Variants in RPS6KC1 observed in about 807,000 individuals in gnomAD.
The protein encoded by RPS6KC1 is ribosomal protein S6 kinase C1, also known as inactive ribosomal protein S6 kinase delta-1.
In RPS6KC1, 54 loss-of-function variants were observed where a neutral mutation model predicts 103.8. The ratio of observed to expected loss-of-function variants is 0.52; its 90% CI spans 0.42 to 0.65. The LOEUF (loss-of-function observed/expected upper bound fraction) is 0.65. Among genes scored for constraint, RPS6KC1 ranks in the 30% least tolerant of loss-of-function variants. RPS6KC1 has a pLI of 0.00. For synonymous variants in RPS6KC1, 439 were observed against 438.7 expected (o/e 1.00, Z -0.01); for missense variants, 1,151 against 1,253.8 (o/e 0.92, Z 1.24).
chr1:213,849,707 A>C, the RPS6KC1 span, among the ~76,000 whole-genome samples: 1 of 152,186 alleles, frequency 6.6e-6, no homozygotes, highest in Non-Finnish European at 1.5e-5. Flanking sequence ...GATTCTCAAG[A>C]TCTATAATAC....
chr1:213,704,279 C>T, the RPS6KC1 span, among the ~76,000 whole-genome samples: 8 of 143,252 alleles, frequency 5.6e-5, no homozygotes, highest in South Asian at 7.0e-4. Context: ...CCCAGCTACT[C>T]GGGAGGCTGA....
the RPS6KC1 span, among the ~76,000 whole-genome samples, chr1:213,416,241 CCT>C: frequency 1.3e-5 from 2 of 152,216 alleles, no homozygotes; most frequent in Admixed American, 6.5e-5. Context: ...AACCCACAGG[CCT>C]CTGTTTCAGA....
the RPS6KC1 span, among the ~76,000 whole-genome samples, chr1:213,412,165 C>T: frequency 6.6e-6 from 1 of 152,174 alleles, no homozygotes; most frequent in African/African-American, 2.4e-5. Context: ...CCACTAAGTT[C>T]CCGTTTTATG....
chr1:213,799,416 A>T, the RPS6KC1 span, among the ~76,000 whole-genome samples: 1 of 152,148 alleles, frequency 6.6e-6, no homozygotes. Context: ...GGGCCTAGAG[A>T]TCATCCCGAC....
chr1:213,856,916 A>G, the RPS6KC1 span, among the ~76,000 whole-genome samples: 5 of 152,238 alleles, frequency 3.3e-5, no homozygotes, highest in East Asian at 9.6e-4. Context: ...AAAAATAGTA[A>G]TAACAACATA....
At chr1:213,057,609 A>ATT in intron 1 of RPS6KC1, among the ~76,000 whole-genome samples, 1 of 151,040 alleles carries the variant, frequency 6.6e-6, no homozygotes, top group South Asian at 2.1e-4. Flanking sequence ...TAATTTGCCT[A>ATT]TTTTTTTCTT....
intron 8 of RPS6KC1, among the ~76,000 whole-genome samples, chr1:213,199,341 T>C (rs551010565): frequency 1.3e-5 from 2 of 152,260 alleles, no homozygotes; most frequent in African/African-American, 4.8e-5. Context: ...GTTCAACATA[T>C]GCAAATGAAT....
At chr1:213,854,548 CT>C in the RPS6KC1 span, among the ~76,000 whole-genome samples, 1 of 107,974 alleles carries the variant, frequency 9.3e-6, no homozygotes, top group Non-Finnish European at 1.9e-5. Flanking sequence ...TTCTTTCTTT[CT>C]TTCTTTCTTT....
the RPS6KC1 span, among the ~76,000 whole-genome samples, chr1:213,478,169 T>C: frequency 6.6e-6 from 1 of 152,204 alleles, no homozygotes; most frequent in African/African-American, 2.4e-5. Context: ...ATTTGTTTCC[T>C]CCATGTCTTT....
At chr1:213,786,493 G>A in the RPS6KC1 span, among the ~76,000 whole-genome samples, 14 of 152,208 alleles carry the variant, frequency 9.2e-5, no homozygotes, top group South Asian at 2.7e-3. Flanking sequence ...GCATCATCTC[G>A]TGTGTAGCCA....
rs142188661 is a variant in RPS6KC1, at chr1:213,241,585, A to G, written c.2109A>G (p.Arg703=). 46 of 1,614,000 alleles carry G rather than the reference A, an allele frequency of 2.9e-5. No homozygotes were observed. The African/African-American group carries it at 4.8e-4, about 17-fold the overall frequency. Reference sequence around the variant, plus strand: ...TACCTGGTGAATTGGAGTCAACAAGAGAAGCTGCAGCAATGGGACCTACTA... The same window carrying G: ...TACCTGGTGAATTGGAGTCAACAAGGGAAGCTGCAGCAATGGGACCTACTA... The part of the protein sequence containing the change: ...VNLPGELEST[R]EAAAMGPTKF... The change falls in exon 11 of 15, where the codon AGA becomes AGG. Residue 703 remains arginine, a synonymous_variant. Transcript: ENST00000366960.
chr1:213,335,758 A>G, the RPS6KC1 span, among the ~76,000 whole-genome samples: 1 of 152,228 alleles, frequency 6.6e-6, no homozygotes, highest in South Asian at 2.1e-4. Flanking sequence ...GAGCTGATGT[A>G]AGGAGAGAGC....
the RPS6KC1 span, among the ~76,000 whole-genome samples, chr1:213,489,151 T>C: frequency 1.3e-5 from 2 of 152,232 alleles, no homozygotes; most frequent in South Asian, 2.1e-4. Flanking sequence ...AATAATGCAG[T>C]GGGAAATAAG....
At chr1:213,309,820 G>C in the RPS6KC1 span, among the ~76,000 whole-genome samples, 1 of 152,094 alleles carries the variant, frequency 6.6e-6, no homozygotes, top group East Asian at 1.9e-4. Flanking sequence ...AAGTAGCTGG[G>C]ATTACAGGTG....
chr1:213,268,134 T>G (rs2094954252), intron 14 of RPS6KC1, among the ~76,000 whole-genome samples: 2 of 151,980 alleles, frequency 1.3e-5, no homozygotes, highest in Non-Finnish European at 2.9e-5. Flanking sequence ...TTTAGACATA[T>G]CCACACTTAA....
the RPS6KC1 span, among the ~76,000 whole-genome samples, chr1:213,635,398 G>A: frequency 6.6e-6 from 1 of 152,190 alleles, no homozygotes. Context: ...ACCGAATCCT[G>A]CAGCACATCA....
At chr1:213,423,266 A>C in the RPS6KC1 span, among the ~76,000 whole-genome samples, 1 of 152,366 alleles carries the variant, frequency 6.6e-6, no homozygotes, top group South Asian at 2.1e-4. Context: ...GCAGCAGCCC[A>C]GGATGAGAGA....
chr1:213,842,704 A>C, the RPS6KC1 span, among the ~76,000 whole-genome samples: 4 of 152,184 alleles, frequency 2.6e-5, no homozygotes, highest in African/African-American at 9.7e-5. Context: ...TTGAGCAATA[A>C]AAATAATGTA....
chr1:213,490,649 C>T, the RPS6KC1 span, among the ~76,000 whole-genome samples: 5,638 of 152,220 alleles, frequency 0.037, 353 homozygotes, highest in African/African-American at 0.13. Context: ...TGGACAAAGC[C>T]GCACTTTGCC....
Sources: gnomAD v4.1 joint callset for allele counts (sites outside exome capture counted in the v4.1 genomes callset) on GRCh38, gnomAD v4.1.1 for gene constraint, MANE v1.5 for transcripts, NCBI Gene and HGNC (gene_info 2026-07-23, HGNC 2026-07-21) for gene names.